Variants in NTRK3 observed in about 807,000 individuals in gnomAD.
NTRK3 encodes neurotrophic receptor tyrosine kinase 3, also known as NT-3 growth factor receptor.
A neutral mutation model predicts 91.7 loss-of-function variants in NTRK3; 24 were observed. That is an observed-to-expected ratio of 0.26 (90% CI 0.19 to 0.37). The LOEUF (loss-of-function observed/expected upper bound fraction) is 0.37. NTRK3 is among the 10% of genes least tolerant of loss of function. The pLI is 1.00. For synonymous variants in NTRK3, 483 were observed against 404.0 expected, an observed-to-expected ratio of 1.20 and a Z score of -2.34; for missense variants, 880 against 1,068.9, an observed-to-expected ratio of 0.82 and a Z score of 2.46.
At chr15:88,208,527 G>A (rs1209309626) in intron 3 of NTRK3, among the ~76,000 whole-genome samples, 1 of 152,076 alleles carries the variant, frequency 6.6e-6, no homozygotes, top group Non-Finnish European at 1.5e-5. Context: ...AATGAGGCGG[G>A]GTCTGAGATT....
exon 19 of NTRK3, chr15:87,868,569 C>T (rs771353579): frequency 1.4e-4 from 32 of 220,718 alleles, no homozygotes; most frequent in South Asian, 5.5e-4. Flanking sequence ...TTTCCAAAGA[C>T]GCCTGCAACC....
In NTRK3 at chr15:88,247,068, A is replaced by G. The variant is rs538584346; in HGVS notation, c.248+8838T>C. Reference sequence around the variant, plus strand: ...AGGTCTGTTTACAGAGACCTCAGACACGATGTGCACAGAACACAGAAGAGA... The same window carrying G: ...AGGTCTGTTTACAGAGACCTCAGACGCGATGTGCACAGAACACAGAAGAGA... On this transcript the variant is annotated intron_variant, in intron 3 of 18. Coordinates refer to ENST00000394480, the Ensembl canonical transcript of NTRK3. 9.5e-4 allele frequency among the ~76,000 whole-genome samples: 144 copies of G among 152,322 alleles called. 1 individual carries two copies. Among genetic ancestry groups the G allele is most frequent in the East Asian group, 1.5e-3 (8 of 5,174 alleles).
At chr15:88,215,898 C>T (rs181215925) in intron 3 of NTRK3, among the ~76,000 whole-genome samples, 27 of 152,294 alleles carry the variant, frequency 1.8e-4, no homozygotes, top group African/African-American at 6.0e-4. Flanking sequence ...TGGATCTAGG[C>T]TCCCCAGGTT....
At chr15:87,935,740 T>C (rs886883575) in intron 15 of NTRK3, among the ~76,000 whole-genome samples, 23 of 152,318 alleles carry the variant, frequency 1.5e-4, no homozygotes, top group African/African-American at 5.3e-4. Context: ...TGGACGTCAA[T>C]GACAGCCCTG....
intron 13 of NTRK3, among the ~76,000 whole-genome samples, chr15:88,037,510 T>C (rs908458121): frequency 1.3e-5 from 2 of 152,174 alleles, no homozygotes; most frequent in East Asian, 3.9e-4. Flanking sequence ...TGCAGTGAGC[T>C]GAGATGGCAC....
chr15:88,217,362 G>T (rs890277582), intron 3 of NTRK3, among the ~76,000 whole-genome samples: 1 of 152,318 alleles, frequency 6.6e-6, no homozygotes, highest in South Asian at 2.1e-4. Context: ...TGTATCCATC[G>T]CAGATGAATG....
chr15:88,130,712 G>C (rs907976299), intron 10 of NTRK3, among the ~76,000 whole-genome samples: 1 of 152,152 alleles, frequency 6.6e-6, no homozygotes, highest in African/African-American at 2.4e-5. Context: ...TAGTATTCTT[G>C]CAAAGTTCCA....
chr15:88,064,755 C>G (rs1201684031), intron 13 of NTRK3, among the ~76,000 whole-genome samples: 1 of 152,234 alleles, frequency 6.6e-6, no homozygotes, highest in Non-Finnish European at 1.5e-5. Flanking sequence ...GGGGTCTCTG[C>G]TGCTGAGGTC....
chr15:87,959,388 G>C (rs531085926), intron 14 of NTRK3, among the ~76,000 whole-genome samples: 1 of 152,254 alleles, frequency 6.6e-6, no homozygotes, highest in Admixed American at 6.5e-5. Flanking sequence ...TACTCCACAG[G>C]CTCCTGTGAC....
intron 14 of NTRK3, among the ~76,000 whole-genome samples, chr15:87,968,568 C>G (rs1437653615): frequency 6.6e-6 from 1 of 152,144 alleles, no homozygotes; most frequent in African/African-American, 2.4e-5. Flanking sequence ...GTATTGATAT[C>G]TTCAACAAAA....
exon 19 of NTRK3, chr15:87,868,680 T>C (rs935992975): frequency 9.1e-6 from 2 of 220,006 alleles, no homozygotes. Context: ...TGCAGAAAAG[T>C]TGCAATTTCA....
chr15:88,147,671 T>C (rs2043012689), intron 5 of NTRK3, among the ~76,000 whole-genome samples: 1 of 152,142 alleles, frequency 6.6e-6, no homozygotes, highest in African/African-American at 2.4e-5. Context: ...CATGAAATTC[T>C]CATGGTCATT....
chr15:88,180,666 T>A (rs1188246807), intron 5 of NTRK3, among the ~76,000 whole-genome samples: 1 of 140,734 alleles, frequency 7.1e-6, no homozygotes, highest in Non-Finnish European at 1.5e-5. Flanking sequence ...AGAAAAGACT[T>A]CTCAGCCATT....
intron 5 of NTRK3, among the ~76,000 whole-genome samples, chr15:88,177,789 T>C (rs1378708966): frequency 1.3e-5 from 2 of 152,174 alleles, no homozygotes; most frequent in African/African-American, 2.4e-5. Context: ...TTCTAAACAA[T>C]TGGAGACCAA....
At chr15:88,175,888 A>C (rs1430887584) in intron 5 of NTRK3, among the ~76,000 whole-genome samples, 1 of 152,156 alleles carries the variant, frequency 6.6e-6, no homozygotes, top group Non-Finnish European at 1.5e-5. Flanking sequence ...ATTCTCAACT[A>C]CTTATCGAAA....
chr15:88,091,984 T>G (rs2049058713), intron 13 of NTRK3, among the ~76,000 whole-genome samples: 1 of 152,232 alleles, frequency 6.6e-6, no homozygotes, highest in Non-Finnish European at 1.5e-5. Context: ...GGCAGCATTT[T>G]AATATTGGTA....
At chr15:88,239,102 A>G (rs187022608) in intron 3 of NTRK3, among the ~76,000 whole-genome samples, 65 of 152,346 alleles carry the variant, frequency 4.3e-4, no homozygotes, top group Non-Finnish European at 8.4e-4. Flanking sequence ...GAAAGATAAA[A>G]TAATCCACAA....
chr15:88,206,562 G>C (rs1374253778), intron 3 of NTRK3, among the ~76,000 whole-genome samples: 1 of 150,532 alleles, frequency 6.6e-6, no homozygotes, highest in Admixed American at 6.6e-5. Context: ...GGAGGCTGAG[G>C]CAGGAGAATG....
rs891732827 is a variant in NTRK3 at position 88,241,922 on chromosome 15, C to T, written c.248+13984G>A. Among the ~76,000 whole-genome samples the T allele has an allele frequency of 3.9e-5, 6 of 152,162 alleles. No individual in the cohort carries two copies. The highest frequency in any genetic ancestry group is 7.4e-5 in the Non-Finnish European group (5 of 68,020). ...CTGCTCGGCTGCACACATCCTAGAA[C>T]GACAATGGAGACCTAGGGACAATGG... On this transcript the variant is annotated intron_variant, in intron 3 of 18. Transcript: ENST00000394480. The surrounding 1 kb of genome is among the most constrained non-coding windows in gnomAD (Gnocchi z 4.3).
Sources: allele counts gnomAD v4.1 joint callset (sites outside exome capture counted in the v4.1 genomes callset), GRCh38; gene constraint gnomAD v4.1.1; non-coding constraint Gnocchi (gnomAD v3.1); transcripts MANE v1.5; gene names NCBI Gene and HGNC (gene_info 2026-07-23, HGNC 2026-07-21).